Variants in PCBD2 observed in about 807,000 individuals in gnomAD.
PCBD2 encodes the protein pterin-4-alpha-carbinolamine dehydratase 2.
PCBD2 carries 12 observed loss-of-function variants against 16.4 expected under a neutral mutation model. The ratio of observed to expected loss-of-function variants is 0.73; its 90% confidence interval spans 0.47 to 1.19. The LOEUF (loss-of-function observed/expected upper bound fraction) is 1.19, where lower values mean the gene tolerates loss of function less well. Among genes scored for constraint, PCBD2 ranks in the 50% most tolerant of loss-of-function variants. PCBD2 has a pLI of 0.00. For synonymous variants in PCBD2, 58 were observed against 61.8 expected (o/e 0.94, Z 0.29); for missense variants, 138 against 156.8 (o/e 0.88, Z 0.64).
At chr5:134,939,399 C>T (rs1751198332) in intron 2 of PCBD2, among the ~76,000 whole-genome samples, 1 of 151,466 alleles carries the variant, frequency 6.6e-6, no homozygotes, top group Non-Finnish European at 1.5e-5. Flanking sequence ...CTTTTTAAGC[C>T]CATGTAATGC....
chr5:134,926,447 C>T (rs79832495), intron 2 of PCBD2: 1 of 392,918 alleles, frequency 2.5e-6, no homozygotes, highest in South Asian at 1.4e-4. Context: ...GGTATAGTAG[C>T]GTACATGGTT....
intron 2 of PCBD2, among the ~76,000 whole-genome samples, chr5:134,938,795 C>G (rs995864920): frequency 6.6e-6 from 1 of 152,130 alleles, no homozygotes; most frequent in African/African-American, 2.4e-5. Context: ...CATTAAAACT[C>G]AAACTATTTC....
chr5:134,929,120 T>G (rs1248643170), intron 2 of PCBD2, among the ~76,000 whole-genome samples: 1 of 152,030 alleles, frequency 6.6e-6, no homozygotes, highest in East Asian at 1.9e-4. Flanking sequence ...GAAGAGAGGA[T>G]GGCTCAGGAC....
chr5:134,955,023 T>A lies in PCBD2; in HGVS notation c.217-4017T>A, dbSNP rs569481726. Among the ~76,000 whole-genome samples, 3 of 152,162 alleles carry A rather than the reference T, an allele frequency of 2.0e-5. No homozygotes were observed. The East Asian group carries it at 5.8e-4, about 29-fold the overall frequency. On this transcript the variant is annotated intron_variant, in intron 2 of 3. Transcript: ENST00000254908. The stretch of plus-strand genomic sequence containing the variant: ...TCCCAAAGTGCTGGGATTACAGGTG[T>A]GAGCCACTGTGTCTGGCCAGATTCT...
At chr5:134,946,099 G>A (rs1046644489) in intron 2 of PCBD2, among the ~76,000 whole-genome samples, 11 of 150,984 alleles carry the variant, frequency 7.3e-5, no homozygotes, top group African/African-American at 2.7e-4. Context: ...AAATAAGATT[G>A]TTTAAAACAA....
chr5:134,906,360 C>T (rs578183442), intron 1 of PCBD2, among the ~76,000 whole-genome samples: 4 of 151,858 alleles, frequency 2.6e-5, no homozygotes, highest in Admixed American at 6.6e-5. Context: ...CCCGTCGCCA[C>T]GCCCGGCTAA....
At chr5:134,922,140 A>G (rs1323080494) in intron 2 of PCBD2, among the ~76,000 whole-genome samples, 3 of 152,202 alleles carry the variant, frequency 2.0e-5, no homozygotes, top group South Asian at 2.1e-4. Flanking sequence ...CAAGGCCACA[A>G]AAATTAGTGT....
At chr5:134,934,239 A>T (rs1561911696) in intron 2 of PCBD2, among the ~76,000 whole-genome samples, 1 of 152,078 alleles carries the variant, frequency 6.6e-6, no homozygotes, top group Non-Finnish European at 1.5e-5. Context: ...TGGTTCTCAA[A>T]CTCAGAATGG....
intron 2 of PCBD2, chr5:134,927,082 G>T: frequency 2.5e-6 from 1 of 398,512 alleles, no homozygotes; most frequent in South Asian, 1.3e-4. Context: ...GTAAGTCCGT[G>T]GGCGACTATG....
intron 2 of PCBD2, among the ~76,000 whole-genome samples, chr5:134,945,260 A>C (rs1335691229): frequency 6.6e-6 from 1 of 152,294 alleles, no homozygotes; most frequent in East Asian, 1.9e-4. Flanking sequence ...TGGGATTGCA[A>C]ATGAGCTGAG....
intron 2 of PCBD2, among the ~76,000 whole-genome samples, chr5:134,946,807 C>T (rs745509728): frequency 6.6e-6 from 1 of 152,146 alleles, no homozygotes. Flanking sequence ...TCTTTCTGCC[C>T]AGAGCACTTG....
Position 134,933,731 on chromosome 5 carries a change from T to C in PCBD2, c.216+23265T>C, listed in dbSNP as rs148643705. 1.2e-3 allele frequency among the ~76,000 whole-genome samples: 185 copies of C among 152,298 alleles called. 1 individual carries two copies. Among genetic ancestry groups the C allele is most frequent in the African/African-American group, 3.5e-3 (144 of 41,574 alleles). ...TCAGGGAGCTGTACTGGGTAGTTCT[T>C]GCTAAATATACTCAGGATCTCCATG... On this transcript the variant is annotated intron_variant, in intron 2 of 3. Coordinates refer to ENST00000254908, the MANE Select transcript of PCBD2 (RefSeq NM_032151.5).
At chr5:134,943,325 T>TAC (rs1324534920) in intron 2 of PCBD2, among the ~76,000 whole-genome samples, 1 of 152,142 alleles carries the variant, frequency 6.6e-6, no homozygotes. Flanking sequence ...GGGGACGGTA[T>TAC]ACATAAGGTG....
intron 2 of PCBD2, among the ~76,000 whole-genome samples, chr5:134,948,442 G>GT (rs533432504): frequency 1.4e-4 from 21 of 151,404 alleles, no homozygotes; most frequent in East Asian, 3.9e-4. Flanking sequence ...CGTGTGTAGA[G>GT]TTTTTTTTTG....
chr5:134,908,809 T>C (rs1401769522), intron 1 of PCBD2: 1 of 152,220 alleles, frequency 6.6e-6, no homozygotes, highest in East Asian at 1.9e-4. Context: ...AGGTAAAATC[T>C]TTTTCCTCTC....
In PCBD2 at chr5:134,962,248, C is replaced by T. The variant is rs1460077052; in HGVS notation, c.*1567C>T. 1.3e-5 allele frequency among the ~76,000 whole-genome samples: 2 copies of T among 152,128 alleles called. No individual in the cohort carries two copies. The highest frequency in any genetic ancestry group is 6.5e-5 in the Admixed American group (1 of 15,270). On this transcript the variant is annotated 3_prime_UTR_variant, in exon 4 of 4. Coordinates refer to ENST00000254908, the MANE Select transcript of PCBD2 (RefSeq NM_032151.5). ...CAGCGGTTACAGGCATGCATCACCACACCTGGCTTATTTTTAAAACTTTTT... is the reference window on the plus strand; with the variant it reads ...CAGCGGTTACAGGCATGCATCACCATACCTGGCTTATTTTTAAAACTTTTT...
chr5:134,938,129 A>G (rs1287634279), intron 2 of PCBD2, among the ~76,000 whole-genome samples: 1 of 152,182 alleles, frequency 6.6e-6, no homozygotes, highest in African/African-American at 2.4e-5. Flanking sequence ...ACACGAGGAA[A>G]CGTTTTAGCC....
rs1038852002 is a variant in PCBD2 at position 134,926,941 on chromosome 5, T to C, written c.216+16475T>C. On this transcript the variant is annotated intron_variant, in intron 2 of 3. Transcript: ENST00000254908. Reference sequence around the variant, plus strand: ...TTAATAGTGGGGGGTAAGGCGAGATTAGTGAGGCTTGCTAGAAGTCATCAA... The same window carrying C: ...TTAATAGTGGGGGGTAAGGCGAGATCAGTGAGGCTTGCTAGAAGTCATCAA... 14 of 398,330 alleles carry C rather than the reference T, an allele frequency of 3.5e-5. No individual in the cohort carries two copies. The Admixed American group carries it at 4.8e-4, about 14-fold the overall frequency. The allele number at this position is 398,330 out of a possible 1,614,324, so 24.7% of individuals were successfully genotyped here. A position where few individuals can be genotyped will look rare whatever the true frequency, so the allele number is the denominator to read the frequency against.
intron 2 of PCBD2, among the ~76,000 whole-genome samples, chr5:134,935,162 A>C (rs918798688): frequency 2.6e-5 from 4 of 152,240 alleles, no homozygotes; most frequent in Admixed American, 1.3e-4. Flanking sequence ...GGTGTAGCTT[A>C]TGTCAGTAGC....
Sources: gnomAD v4.1 joint callset for allele counts (sites outside exome capture counted in the v4.1 genomes callset) on GRCh38, gnomAD v4.1.1 for gene constraint, MANE v1.5 for transcripts, NCBI Gene and HGNC (gene_info 2026-07-23, HGNC 2026-07-21) for gene names.